BCLAF3: variants seen among roughly 807,000 people sequenced by gnomAD.
BCLAF3 encodes the protein transient octamer binding factor 1.
A neutral mutation model predicts 51.2 loss-of-function variants in BCLAF3; 24 were observed. That is an observed-to-expected ratio of 0.47 (90% CI 0.34 to 0.66). BCLAF3 has a LOEUF of 0.66. Among genes scored for constraint, BCLAF3 ranks in the 30% least tolerant of loss-of-function variants. The pLI, the probability that BCLAF3 is intolerant of heterozygous loss-of-function variation, is 0.01. For missense variants in BCLAF3, 465 were observed against 525.1 expected (o/e 0.89, Z 1.12); for synonymous variants, 152 against 176.6 (o/e 0.86, Z 1.10).
chrX:19,988,029 T>C (rs938765903), intron 1 of BCLAF3, among the ~76,000 whole-genome samples: 1 of 112,054 alleles, frequency 8.9e-6, no homozygotes, highest in Non-Finnish European at 1.9e-5. Context: ...CTCAGGTGCT[T>C]GGTCAGCAGA....
chrX:19,916,525 A>G lies in BCLAF3; in HGVS notation c.*780T>C, dbSNP rs1203068723. 4 of 112,623 alleles carry G rather than the reference A, an allele frequency of 3.6e-5. No individual in the cohort carries two copies. The highest frequency in any genetic ancestry group is 7.5e-5 in the Non-Finnish European group (4 of 53,270). The allele number at this position is 112,623 out of a possible 1,213,427, so 9.3% of individuals were successfully genotyped here. A position where few individuals can be genotyped will look rare whatever the true frequency, so the allele number is the denominator to read the frequency against. On this transcript the variant is annotated 3_prime_UTR_variant, in exon 12 of 12. Coordinates refer to ENST00000379682, the MANE Select transcript of BCLAF3 (RefSeq NM_001367774.2). ...TAGTAGTAAAGTACAATTTTCAAAT[A>G]TGAGATTTTGTTTGTCAGATTTTTA... is the stretch of plus-strand genomic sequence containing the variant.
chrX:19,969,605 T>C (rs1025310367), intron 2 of BCLAF3, among the ~76,000 whole-genome samples: 1 of 112,086 alleles, frequency 8.9e-6, no homozygotes, highest in African/African-American at 3.2e-5. Flanking sequence ...TCCCAATAAG[T>C]AGCACAGCAT....
chrX:19,980,516 T>C (rs1298667924), intron 1 of BCLAF3, among the ~76,000 whole-genome samples: 1 of 112,272 alleles, frequency 8.9e-6, no homozygotes, highest in African/African-American at 3.2e-5. Flanking sequence ...TACTGGAGGA[T>C]GAGCTTTATT....
chrX:19,975,259 G>A (rs1275286770), intron 1 of BCLAF3, among the ~76,000 whole-genome samples: 2 of 109,159 alleles, frequency 1.8e-5, no homozygotes, highest in Admixed American at 9.7e-5. Context: ...AAAAAAAGAA[G>A]AAGAATATGT....
intron 1 of BCLAF3, 142 bp from the exon 2 acceptor site, chrX:19,970,440 C>T (rs2072220476): frequency 4.3e-6 from 2 of 465,260 alleles, no homozygotes; most frequent in Admixed American, 3.3e-5. Flanking sequence ...AATAGCACCC[C>T]TTCTTATTGG....
At position 19,965,102 on chromosome X, in the gene BCLAF3, G is replaced by C; in HGVS notation, c.1216C>G (p.Leu406Val). The change falls in exon 4 of 12, where the codon CTT becomes GTT. Residue 406 changes from leucine to valine, a missense_variant. Physicochemically the swap from Leu to Val is conservative, Grantham distance 32. Transcript: ENST00000379682. ...LPDVKPSPIN[L>V]RKKSLTVKVD... ...TTAACTGTAAGTGATTTCTTCCTAA[G>C]ATTGATAGGCGAGGGTTTCACATCA... is the stretch of plus-strand genomic sequence containing the variant. 8.4e-7 allele frequency: 1 copy of C among 1,194,615 alleles called. No individual in the cohort carries two copies.
At chrX:19,922,463 G>T (rs2070200627) in intron 11 of BCLAF3, among the ~76,000 whole-genome samples, 1 of 112,166 alleles carries the variant, frequency 8.9e-6, no homozygotes, top group Non-Finnish European at 1.9e-5. Flanking sequence ...TTTGCAGTAA[G>T]ACTTCTTTTG....
chrX:19,978,650 T>C (rs1427541048), intron 1 of BCLAF3, among the ~76,000 whole-genome samples: 2 of 112,473 alleles, frequency 1.8e-5, no homozygotes, highest in Non-Finnish European at 3.8e-5. Context: ...TATGTTTAGT[T>C]GATAAAGCAG....
At chrX:19,977,143 C>T (rs1219664193) in intron 1 of BCLAF3, among the ~76,000 whole-genome samples, 1 of 111,329 alleles carries the variant, frequency 9.0e-6, no homozygotes, top group Non-Finnish European at 1.9e-5. Flanking sequence ...TCCCTACTCC[C>T]TGAGACACAA....
chrX:19,929,722 A>G, intron 11 of BCLAF3, 63 bp downstream of exon 11: 1 of 1,043,268 alleles, frequency 9.6e-7, no homozygotes, highest in Non-Finnish European at 1.3e-6. Context: ...TATCTAATGA[A>G]CATAGATAAT....
intron 1 of BCLAF3, among the ~76,000 whole-genome samples, chrX:19,970,567 T>C (rs1170716945): frequency 8.9e-6 from 1 of 111,792 alleles, no homozygotes; most frequent in Admixed American, 9.5e-5. Context: ...ATCTGTTTCT[T>C]CTTTTTTTTA....
chrX:19,930,875 A>G (rs1329024818), intron 10 of BCLAF3, among the ~76,000 whole-genome samples: 1 of 111,592 alleles, frequency 9.0e-6, no homozygotes, highest in African/African-American at 3.3e-5. Context: ...TTTGAAATTA[A>G]TTATTGAAAT....
chrX:19,985,346 A>G (rs775241213), intron 1 of BCLAF3, among the ~76,000 whole-genome samples: 1 of 112,085 alleles, frequency 8.9e-6, no homozygotes, highest in South Asian at 3.7e-4. Context: ...TGGGAGGCTA[A>G]GGTGGGAGTA....
chrX:19,923,845 A>G lies in BCLAF3; in HGVS notation c.2106+5940T>C, dbSNP rs180888449. On this transcript the variant is annotated intron_variant, in intron 11 of 11. Transcript: ENST00000379682. ...TGCAAGTTTGATTATTTATTTATTT[A>G]TTTTTTTTTTTTTTGAGACAGAATC... Among the ~76,000 whole-genome samples the G allele has an allele frequency of 3.2e-4, 29 of 90,128 alleles. No individual in the cohort carries two copies. The South Asian group carries it at 0.011, about 34-fold the overall frequency. The allele number at this position is 90,128 out of a possible 115,157, so 78.3% of individuals were successfully genotyped here.
intron 9 of BCLAF3, among the ~76,000 whole-genome samples, chrX:19,936,169 T>C (rs771507930): frequency 9.0e-6 from 1 of 111,693 alleles, no homozygotes; most frequent in Non-Finnish European, 1.9e-5. Context: ...TATAACATAA[T>C]GGGTGAATCT....
intron 9 of BCLAF3, among the ~76,000 whole-genome samples, chrX:19,936,232 A>C (rs1386357198): frequency 7.1e-5 from 8 of 111,989 alleles, no homozygotes; most frequent in Non-Finnish European, 1.5e-4. Flanking sequence ...GAGAGAAATA[A>C]ACCCATTACT....
intron 2 of BCLAF3, among the ~76,000 whole-genome samples, chrX:19,968,194 C>T (rs190733408): frequency 8.9e-6 from 1 of 112,753 alleles, no homozygotes; most frequent in African/African-American, 3.2e-5. Context: ...GGAACAGTTG[C>T]TATTGTTTTT....
chrX:19,930,679 C>A, intron 10 of BCLAF3: 1 of 158,016 alleles, frequency 6.3e-6, no homozygotes. Context: ...CAAAACAAAA[C>A]TACATCAAAC....
intron 1 of BCLAF3, among the ~76,000 whole-genome samples, chrX:19,970,920 G>C (rs1230198813): frequency 9.0e-6 from 1 of 111,535 alleles, no homozygotes; most frequent in Non-Finnish European, 1.9e-5. Context: ...ATTCCAAAAA[G>C]AGGAAAAATT....
Sources: allele counts gnomAD v4.1 joint callset (sites outside exome capture counted in the v4.1 genomes callset), GRCh38; gene constraint gnomAD v4.1.1; transcripts MANE v1.5; gene names NCBI Gene and HGNC (gene_info 2026-07-23, HGNC 2026-07-21).